DOCK1: variants seen among roughly 807,000 people sequenced by gnomAD.
DOCK1 encodes the protein dedicator of cytokinesis protein 1.
In DOCK1, 138 loss-of-function variants were observed where a neutral mutation model predicts 262.7. The ratio of observed to expected loss-of-function variants is 0.53; its 90% confidence interval spans 0.46 to 0.61. The LOEUF (loss-of-function observed/expected upper bound fraction) is 0.61. DOCK1 is among the 20% of genes least tolerant of loss of function. The probability of loss-of-function intolerance (pLI) is 0.00; values close to 1 mark genes in which losing one functional copy is unlikely to be tolerated. For missense variants in DOCK1, 1,908 were observed against 2,370.7 expected, an observed-to-expected ratio of 0.80 and a Z score of 4.05; for synonymous variants, 866 against 867.4, an observed-to-expected ratio of 1.00 and a Z score of 0.03.
chr10:127,358,090 G>T (rs1270331982), intron 32 of DOCK1, among the ~76,000 whole-genome samples: 1 of 152,054 alleles, frequency 6.6e-6, no homozygotes, highest in African/African-American at 2.4e-5. Context: ...CAAGAAAATA[G>T]AAATGGAAAT....
At chr10:127,283,681 G>A (rs981533835) in intron 29 of DOCK1, among the ~76,000 whole-genome samples, 56 of 152,246 alleles carry the variant, frequency 3.7e-4, no homozygotes, top group African/African-American at 1.3e-3. Flanking sequence ...TCTATCACAA[G>A]CATTTTTCCA....
intron 23 of DOCK1, among the ~76,000 whole-genome samples, chr10:127,093,281 T>C (rs1264969175): frequency 3.0e-5 from 4 of 134,730 alleles, no homozygotes; most frequent in African/African-American, 1.2e-4. Context: ...GGTCTCGCTC[T>C]GTCATCCCGG....
At chr10:126,959,980 G>A (rs2037070109) in intron 1 of DOCK1, among the ~76,000 whole-genome samples, 3 of 147,684 alleles carry the variant, frequency 2.0e-5, no homozygotes, top group South Asian at 4.4e-4. Context: ...CGGCTAATTT[G>A]TATTTGTAGT....
chr10:127,091,442 G>T (rs891124829), intron 23 of DOCK1, among the ~76,000 whole-genome samples: 1 of 152,188 alleles, frequency 6.6e-6, no homozygotes, highest in Non-Finnish European at 1.5e-5. Flanking sequence ...GGTCTGGATC[G>T]CTTTCCCTCT....
chr10:127,361,940 G>T, intron 32 of DOCK1, 124 bp from the exon 33 acceptor site: 1 of 1,092,258 alleles, frequency 9.2e-7, no homozygotes, highest in Non-Finnish European at 1.3e-6. Flanking sequence ...CGAAATGGAT[G>T]CACATTTTCG....
At chr10:127,291,723 C>T (rs937768739) in intron 29 of DOCK1, among the ~76,000 whole-genome samples, 5 of 152,206 alleles carry the variant, frequency 3.3e-5, no homozygotes, top group African/African-American at 9.7e-5. Context: ...AGACAGAGCT[C>T]GGCCTTTCTG....
intron 27 of DOCK1, among the ~76,000 whole-genome samples, chr10:127,139,645 G>A (rs548447607): frequency 1.3e-5 from 2 of 152,290 alleles, no homozygotes; most frequent in South Asian, 2.1e-4. Flanking sequence ...CCTCAGTTCC[G>A]TGATGTGGTG....
At chr10:127,422,401 G>A (rs996056644) in intron 46 of DOCK1, among the ~76,000 whole-genome samples, 14 of 151,982 alleles carry the variant, frequency 9.2e-5, no homozygotes, top group South Asian at 2.1e-4. Flanking sequence ...TCTTGACCTC[G>A]TGATCCGCCC....
intron 27 of DOCK1, among the ~76,000 whole-genome samples, chr10:127,152,789 G>A (rs960610319): frequency 2.6e-5 from 4 of 152,196 alleles, no homozygotes; most frequent in Non-Finnish European, 4.4e-5. Flanking sequence ...GTGGCCTTCG[G>A]TGCCTATCTC....
At chr10:127,246,269 A>ACT (rs1187063484) in intron 27 of DOCK1, among the ~76,000 whole-genome samples, 3 of 151,958 alleles carry the variant, frequency 2.0e-5, no homozygotes, top group Admixed American at 2.0e-4. Context: ...TTTGCCATTC[A>ACT]CTCCTTCAGA....
chr10:127,326,106 A>G (rs970388436), intron 29 of DOCK1, among the ~76,000 whole-genome samples: 4 of 152,220 alleles, frequency 2.6e-5, no homozygotes, highest in African/African-American at 9.7e-5. Flanking sequence ...CTGCTGATAG[A>G]GAGTCTTGCG....
At chr10:127,352,925 A>T (rs2063955446) in intron 31 of DOCK1, among the ~76,000 whole-genome samples, 1 of 152,156 alleles carries the variant, frequency 6.6e-6, no homozygotes, top group Admixed American at 6.5e-5. Flanking sequence ...ATCATCCCAG[A>T]ATGAGAAGAA....
chr10:126,965,945 A>G lies in DOCK1; in HGVS notation c.47-4757A>G, dbSNP rs1051469680. ...TTAACTATAGTCATCCTAAGGAGCT[A>G]TAGATCACTAGAACTTAATTCTCCT... On this transcript the variant is annotated intron_variant, in intron 1 of 51. Transcript: ENST00000623213. Among the ~76,000 whole-genome samples, 7 of 152,304 alleles carry G rather than the reference A, an allele frequency of 4.6e-5. No individual in the cohort carries two copies. In the South Asian group the frequency reaches 1.2e-3, roughly 27 times the overall value.
chr10:127,394,866 G>A (rs2066726041), intron 38 of DOCK1, among the ~76,000 whole-genome samples: 1 of 152,158 alleles, frequency 6.6e-6, no homozygotes, highest in African/African-American at 2.4e-5. Context: ...TCTCATATGA[G>A]CAGATAAATA....
chr10:127,333,083 T>C (rs566577497), intron 29 of DOCK1, among the ~76,000 whole-genome samples: 132 of 152,296 alleles, frequency 8.7e-4, no homozygotes, highest in African/African-American at 3.1e-3. Context: ...GTGTCACTTT[T>C]AATTTGTTTC....
rs560307195 is a variant in DOCK1 at position 127,336,830 on chromosome 10, C to T, written c.3045-2176C>T. On this transcript the variant is annotated intron_variant, in intron 29 of 51. Coordinates refer to ENST00000623213, the MANE Select transcript of DOCK1 (RefSeq NM_001290223.2). Reference sequence around the variant, plus strand: ...CTGGGATTACAGGCGTGAGCCACCGCGCCCAGCTGACATATTTCTTTAAGT... The same window carrying T: ...CTGGGATTACAGGCGTGAGCCACCGTGCCCAGCTGACATATTTCTTTAAGT... Among the ~76,000 whole-genome samples the T allele has an allele frequency of 7.9e-4, 121 of 152,296 alleles. 1 individual carries two copies. Among genetic ancestry groups the T allele is most frequent in the Non-Finnish European group, 1.2e-3 (85 of 68,032 alleles).
Position 126,996,774 on chromosome 10 carries a change from G to C in DOCK1, c.500G>C (p.Arg167Thr), listed in dbSNP as rs1231667593. The C allele has an allele frequency of 1.2e-6, 2 of 1,612,412 alleles. No individual in the cohort carries two copies. The highest frequency in any genetic ancestry group is 3.4e-5 in the Admixed American group (2 of 59,602). Residue 167 changes from arginine to threonine, a missense_variant, in exon 7 of 52, where the codon AGA becomes ACA. Around this residue, in one of 9 missense-constraint regions of DOCK1, gnomAD observed 227 missense variants for 254.1 expected, o/e 0.89. Coordinates refer to ENST00000623213, the MANE Select transcript of DOCK1 (RefSeq NM_001290223.2). ...NRILDLDLVV[R>T]DEDGNILDPE... Reference sequence around the variant, plus strand: ...ATTCTAGATTTGGACCTGGTGGTTAGAGATGAAGATGGGAATATTTTGGAT... The same window carrying C: ...ATTCTAGATTTGGACCTGGTGGTTACAGATGAAGATGGGAATATTTTGGAT...
At chr10:127,342,080 CTGTTGCTGTTGT>C (rs2063454779) in intron 30 of DOCK1, among the ~76,000 whole-genome samples, 1 of 147,472 alleles carries the variant, frequency 6.8e-6, no homozygotes, top group Non-Finnish European at 1.5e-5. Context: ...GCTGCTGTTG[CTGTTGCTGTTGT>C]TGTTGCTGCT....
intron 38 of DOCK1, among the ~76,000 whole-genome samples, chr10:127,398,034 C>T (rs1291132910): frequency 1.3e-5 from 2 of 152,176 alleles, no homozygotes; most frequent in East Asian, 3.9e-4. Context: ...GTGTGACATG[C>T]AGTGGCTCCA....
Sources: gnomAD v4.1 joint callset for allele counts (sites outside exome capture counted in the v4.1 genomes callset) on GRCh38, gnomAD v4.1.1 for gene constraint, gnomAD v4.1.1 regional missense constraint, MANE v1.5 for transcripts, NCBI Gene and HGNC (gene_info 2026-07-23, HGNC 2026-07-21) for gene names.